The following ZSCAN18 variants were observed in gnomAD, a reference collection of about 807,000 sequenced individuals.
ZSCAN18 encodes the protein zinc finger and SCAN domain containing 18, also known as zinc finger and SCAN domain-containing protein 18.
A neutral mutation model predicts 31.1 loss-of-function variants in ZSCAN18; 16 were observed. That is an observed-to-expected ratio of 0.51 (90% confidence interval 0.35 to 0.78). ZSCAN18 has a LOEUF of 0.78. Among genes scored for constraint, ZSCAN18 ranks in the 30% least tolerant of loss-of-function variants. The pLI is 0.01. For synonymous variants in ZSCAN18, 375 were observed against 320.7 expected (o/e 1.17, Z -1.81); for missense variants, 731 against 697.4 (o/e 1.05, Z -0.54).
intron 1 of ZSCAN18, among the ~76,000 whole-genome samples, chr19:58,104,804 A>G (rs527519959): frequency 3.9e-4 from 59 of 152,370 alleles, no homozygotes; most frequent in Admixed American, 1.6e-3. Context: ...TCCGTAACAT[A>G]AAAGTGCAAG....
chr19:58,118,343 C>G, exon 1 of ZSCAN18: 1 of 1,533,444 alleles, frequency 6.5e-7, no homozygotes, highest in Non-Finnish European at 8.8e-7. Context: ...GAGGACGGAA[C>G]TCACTTCCCG....
intron 1 of ZSCAN18, among the ~76,000 whole-genome samples, chr19:58,094,357 G>C (rs2074478984): frequency 6.6e-6 from 1 of 151,440 alleles, no homozygotes; most frequent in Admixed American, 6.6e-5. Context: ...CTTGCAGTGA[G>C]CCGAGATCGC....
chr19:58,090,238 G>A lies in ZSCAN18; in HGVS notation c.30C>T (p.Ser10=), dbSNP rs748199255. 40 of 1,613,408 alleles carry A rather than the reference G, an allele frequency of 2.5e-5. No homozygotes were observed. The East Asian group carries it at 8.5e-4, about 34-fold the overall frequency. Residue 10 remains serine, a synonymous_variant, in exon 2 of 7, where the codon TCC becomes TCT. Transcript: ENST00000601144. This position sits in a 1 kb window ranked among gnomAD's most constrained non-coding sequence, Gnocchi z 4.7. ...CCGGCGGGGCTGGGGAGCTCCTGGG[G>A]GAGGCAAACGCCTTCTCCAAAGGCA... The part of the protein sequence containing the change: MLPLEKAFA[S]PRSSPAPPDL...
In ZSCAN18 at chr19:58,090,221, G is replaced by A. The variant is rs1218669771; in HGVS notation, c.47C>T (p.Ala16Val). ...CCCCGGCGTGGGCAGATCCGGCGGG[G>A]CTGGGGAGCTCCTGGGGGAGGCAAA... ...KAFASPRSSP[A>V]PPDLPTPGSA... Residue 16 changes from alanine (A) to valine (V), a missense_variant, in exon 2 of 7, where the codon GCC (alanine) becomes GTC (valine). Ala to Val is a moderately conservative substitution (Grantham distance 64, BLOSUM62 0). This residue lies in a region of ZSCAN18 where 86 missense variants were observed against 119.1 expected (regional missense o/e 0.72). Coordinates refer to ENST00000601144, the MANE Select transcript of ZSCAN18 (RefSeq NM_001145543.2). This position sits in a 1 kb window ranked among gnomAD's most constrained non-coding sequence, Gnocchi z 4.7. 2 of 1,613,488 alleles carry A rather than the reference G, an allele frequency of 1.2e-6. No individual in the cohort carries two copies. The highest frequency in any genetic ancestry group is 1.3e-5 in the African/African-American group (1 of 74,926).
intron 1 of ZSCAN18, among the ~76,000 whole-genome samples, chr19:58,103,861 G>A (rs1600004205): frequency 6.6e-6 from 1 of 152,182 alleles, no homozygotes; most frequent in Non-Finnish European, 1.5e-5. Flanking sequence ...ATGGCCAAGA[G>A]AAAAACTTGA....
rs796909362 is a variant in ZSCAN18 at position 58,089,170 on chromosome 19, G to A, written c.404-333C>T. Among the ~76,000 whole-genome samples, 7 of 149,556 alleles carry A rather than the reference G, an allele frequency of 4.7e-5. No individual in the cohort carries two copies. In the South Asian group the frequency reaches 1.5e-3, roughly 32 times the overall value. On this transcript the variant is annotated intron_variant, in intron 2 of 6. Transcript: ENST00000601144. ...TACAAAAAATTAGCCGGGCGTAGTG[G>A]CGGGCGCCTGTAGTCCCAGCTACTT...
chr19:58,109,879 A>T (rs1167264707), intron 1 of ZSCAN18, among the ~76,000 whole-genome samples: 4 of 152,102 alleles, frequency 2.6e-5, no homozygotes, highest in African/African-American at 7.2e-5. Context: ...GAATATAAAG[A>T]TGGATGAAGG....
At chr19:58,093,717 G>A (rs377186494) in intron 1 of ZSCAN18, among the ~76,000 whole-genome samples, 28 of 152,150 alleles carry the variant, frequency 1.8e-4, no homozygotes, top group African/African-American at 6.5e-4. Context: ...TTCACTCCAC[G>A]CTGTCTTTTG....
At chr19:58,105,588 A>G (rs1456883378) in intron 1 of ZSCAN18, among the ~76,000 whole-genome samples, 3 of 151,878 alleles carry the variant, frequency 2.0e-5, no homozygotes, top group Non-Finnish European at 4.4e-5. Context: ...ATGAACCCGG[A>G]AGGCAGAGCT....
At position 58,112,950 on chromosome 19, in the gene ZSCAN18, C is replaced by CAAAAAAAAAAA. The variant is rs55721042; in HGVS notation, c.130+5306_130+5316dup. 7.2e-5 allele frequency among the ~76,000 whole-genome samples: 5 copies of CAAAAAAAAAAA among 69,480 alleles called. 1 individual carries two copies. Among genetic ancestry groups the CAAAAAAAAAAA allele is most frequent in the Non-Finnish European group, 1.3e-4 (5 of 39,124 alleles). 45.6% of individuals were successfully genotyped at this position (69,480 alleles called of 152,430 possible). ...TGGGCGATAAAGCAAGGCTCCGTTT[C>CAAAAAAAAAAA]AAAAAAAAAAAAAAAAAAAGAATTT... On this transcript the variant is annotated intron_variant, in intron 1 of 1. Transcript: ENST00000595721.
At chr19:58,086,839 C>T in intron 5 of ZSCAN18, 67 bp downstream of exon 5, 1 of 1,280,390 alleles carries the variant, frequency 7.8e-7, no homozygotes, top group Non-Finnish European at 1.1e-6. Flanking sequence ...GGGTCACAGT[C>T]TCCTGCACCA....
intron 1 of ZSCAN18, chr19:58,097,929 C>T: frequency 1.0e-6 from 1 of 985,060 alleles, no homozygotes; most frequent in Non-Finnish European, 1.2e-6. Context: ...TAGTTCCCTA[C>T]CTGCCTGCAG....
chr19:58,086,054 T>A (rs894714030), intron 6 of ZSCAN18, 120 bp downstream of exon 6: 18 of 752,470 alleles, frequency 2.4e-5, no homozygotes, highest in Middle Eastern at 4.7e-4. Context: ...GGTGGGAGAA[T>A]GGTGAAGCAG....
chr19:58,105,790 G>A (rs900649740), intron 1 of ZSCAN18, among the ~76,000 whole-genome samples: 3 of 152,154 alleles, frequency 2.0e-5, no homozygotes, highest in African/African-American at 4.8e-5. Flanking sequence ...GACTAGCCTG[G>A]CCAACATGGT....
Position 58,104,407 on chromosome 19 carries a change from A to C in ZSCAN18, c.130+13860T>G, listed in dbSNP as rs139711530. ...CAAAACAAAACAAAACAAAACAAAA[A>C]AAAAGTCTGGGCCGGGTGTGGTGGC... is the stretch of plus-strand genomic sequence containing the variant. On this transcript the variant is annotated intron_variant, in intron 1 of 1. Transcript: ENST00000595721. 5.7e-3 allele frequency among the ~76,000 whole-genome samples: 843 copies of C among 147,168 alleles called. 15 individuals are homozygous for C. Among genetic ancestry groups the C allele is most frequent in the African/African-American group, 0.019 (727 of 38,344 alleles).
intron 1 of ZSCAN18, among the ~76,000 whole-genome samples, chr19:58,094,808 G>A (rs2074488316): frequency 6.7e-6 from 1 of 149,160 alleles, no homozygotes; most frequent in South Asian, 2.1e-4. Context: ...AACCCAGGAG[G>A]TCAAGGCTTC....
chr19:58,109,165 T>C (rs889928394), intron 1 of ZSCAN18: 185 of 1,230,926 alleles, frequency 1.5e-4, no homozygotes, highest in Non-Finnish European at 1.9e-4. Context: ...TTCTACCTGG[T>C]CCTCACATTC....
chr19:58,094,342 C>A (rs1337660101), intron 1 of ZSCAN18, among the ~76,000 whole-genome samples: 3 of 150,908 alleles, frequency 2.0e-5, no homozygotes, highest in Non-Finnish European at 4.4e-5. Context: ...ACCCGGCAGG[C>A]GGAGCTTGCA....
At chr19:58,113,407 A>G (rs191406529) in intron 1 of ZSCAN18, among the ~76,000 whole-genome samples, 2 of 152,224 alleles carry the variant, frequency 1.3e-5, no homozygotes, top group Admixed American at 1.3e-4. Flanking sequence ...TCAGATACGC[A>G]TTTGTGTCTG....
Sources: gnomAD v4.1 joint callset for allele counts (sites outside exome capture counted in the v4.1 genomes callset) on GRCh38, gnomAD v4.1.1 for gene constraint, gnomAD v4.1.1 regional missense constraint, Gnocchi (gnomAD v3.1) non-coding constraint, MANE v1.5 for transcripts, NCBI Gene and HGNC (gene_info 2026-07-23, HGNC 2026-07-21) for gene names.